The following NUP98 variants were observed in gnomAD, a reference collection of about 807,000 sequenced individuals.
NUP98 encodes the protein nuclear pore complex protein Nup98-Nup96.
NUP98 carries 26 observed loss-of-function variants against 191.9 expected under a neutral mutation model. The ratio of observed to expected loss-of-function variants is 0.14; its 90% confidence interval spans 0.10 to 0.19. NUP98 has a LOEUF of 0.19. Ranked by LOEUF, NUP98 falls within the 10% of genes least tolerant of loss-of-function variation. The probability of loss-of-function intolerance (pLI) is 1.00; values close to 1 mark genes in which losing one functional copy is unlikely to be tolerated. For missense variants in NUP98, 1,941 were observed against 2,178.8 expected (o/e 0.89, Z 2.17); for synonymous variants, 808 against 778.4 (o/e 1.04, Z -0.63).
intron 12 of NUP98, among the ~76,000 whole-genome samples, chr11:3,742,527 C>T (rs987490892): frequency 6.6e-6 from 1 of 151,586 alleles, no homozygotes; most frequent in Non-Finnish European, 1.5e-5. Flanking sequence ...ATGGTAAAAC[C>T]CCATCTGTAC....
At chr11:3,679,264 G>A (rs1431432842) in intron 31 of NUP98, among the ~76,000 whole-genome samples, 1 of 151,812 alleles carries the variant, frequency 6.6e-6, no homozygotes, top group African/African-American at 2.4e-5. Flanking sequence ...TCTCATCTTT[G>A]GGCTTCTCAC....
intron 10 of NUP98, among the ~76,000 whole-genome samples, chr11:3,757,794 C>T (rs2081026216): frequency 6.6e-6 from 1 of 151,824 alleles, no homozygotes; most frequent in Non-Finnish European, 1.5e-5. Context: ...AGCGAAACTC[C>T]GTCTCAAAAA....
chr11:3,760,644 C>T lies in NUP98; in HGVS notation c.1087-18G>A. On this transcript the variant is annotated intron_variant, in intron 9 of 32. Coordinates refer to ENST00000324932, the MANE Select transcript of NUP98 (RefSeq NM_016320.5). The stretch of plus-strand genomic sequence containing the variant: ...AACAGGGTCTAAAAAGAATAGAATA[C>T]AGGAAAATTTAAAATAATATTAAGA... 1 of 1,600,190 alleles carries T rather than the reference C, an allele frequency of 6.2e-7. No homozygotes were observed. Among genetic ancestry groups the T allele is most frequent in the Non-Finnish European group, 8.5e-7 (1 of 1,172,134 alleles).
At chr11:3,731,162 G>A (rs764034937) in intron 14 of NUP98, among the ~76,000 whole-genome samples, 3 of 151,898 alleles carry the variant, frequency 2.0e-5, no homozygotes, top group African/African-American at 4.8e-5. Flanking sequence ...TACTCAGGAG[G>A]CTGAAGCAAG....
At chr11:3,740,854 T>A (rs1412947533) in intron 12 of NUP98, among the ~76,000 whole-genome samples, 1 of 151,494 alleles carries the variant, frequency 6.6e-6, no homozygotes, top group East Asian at 1.9e-4. Context: ...AGTCTCGCAC[T>A]TTCGCCCAGG....
intron 2 of NUP98, among the ~76,000 whole-genome samples, chr11:3,780,359 T>C (rs1290605177): frequency 6.9e-6 from 1 of 143,992 alleles, no homozygotes; most frequent in African/African-American, 2.6e-5. Flanking sequence ...TGAAACCCTG[T>C]CTCCACTTAA....
At chr11:3,733,486 T>A (rs901878043) in intron 13 of NUP98, among the ~76,000 whole-genome samples, 2 of 152,062 alleles carry the variant, frequency 1.3e-5, no homozygotes, top group African/African-American at 2.4e-5. Flanking sequence ...TAATTTTTTT[T>A]TATTTAGTAT....
rs907578074 is a variant in NUP98, at chr11:3,782,203, T to C, written c.-28-58A>G. The C allele has an allele frequency of 4.1e-5, 39 of 946,916 alleles. 1 individual carries two copies. The East Asian group carries it at 6.0e-4, about 15-fold the overall frequency. The allele number at this position is 946,916 out of a possible 1,614,324, so 58.7% of individuals were successfully genotyped here. Reference sequence around the variant, plus strand: ...AGACCACAAAATGGAATATAATTGTTTTAGAAAATCTATCATTCCACAAAC... The same window carrying C: ...AGACCACAAAATGGAATATAATTGTCTTAGAAAATCTATCATTCCACAAAC... On this transcript the variant is annotated intron_variant, in intron 1 of 32. Transcript: ENST00000324932.
chr11:3,727,114 T>A (rs779131498), intron 14 of NUP98, among the ~76,000 whole-genome samples: 1 of 152,020 alleles, frequency 6.6e-6, no homozygotes, highest in Non-Finnish European at 1.5e-5. Context: ...GAGGAAATAC[T>A]CTCCAGTTTG....
At chr11:3,733,177 C>A (rs2079909911) in intron 13 of NUP98, among the ~76,000 whole-genome samples, 1 of 152,152 alleles carries the variant, frequency 6.6e-6, no homozygotes, top group Non-Finnish European at 1.5e-5. Context: ...AAAAGAAACT[C>A]AGTTCCTCTC....
At chr11:3,676,913 G>A (rs2077832887) in intron 31 of NUP98, among the ~76,000 whole-genome samples, 1 of 152,138 alleles carries the variant, frequency 6.6e-6, no homozygotes, top group Non-Finnish European at 1.5e-5. Flanking sequence ...GATAAATTGG[G>A]TTCAGAGAGA....
intron 9 of NUP98, among the ~76,000 whole-genome samples, chr11:3,762,573 A>G (rs1206267647): frequency 1.3e-5 from 2 of 152,172 alleles, no homozygotes; most frequent in Non-Finnish European, 2.9e-5. Context: ...AAGAACTAGG[A>G]GTTAAAAATT....
rs202213183 is a variant in NUP98 at position 3,725,234 on chromosome 11, C to T, written c.1731-15G>A. 50 of 1,290,036 alleles carry T rather than the reference C, an allele frequency of 3.9e-5. No individual in the cohort carries two copies. In the East Asian group the frequency reaches 1.0e-3, roughly 26 times the overall value. The allele number at this position is 1,290,036 out of a possible 1,614,324, so 79.9% of individuals were successfully genotyped here. ...TAATGCTCTTCCTATAAACAAGAAA[C>T]CAAAAGAAGAAGAAAAAAATTACTC... is the stretch of plus-strand genomic sequence containing the variant. On this transcript the variant is annotated splice_polypyrimidine_tract_variant and intron_variant, in intron 14 of 32. Coordinates refer to ENST00000324932, the MANE Select transcript of NUP98 (RefSeq NM_016320.5).
In NUP98 at chr11:3,675,286, T is replaced by C. The variant is rs997990887; in HGVS notation, c.*873A>G. On this transcript the variant is annotated 3_prime_UTR_variant, in exon 33 of 33. Coordinates refer to ENST00000324932, the MANE Select transcript of NUP98 (RefSeq NM_016320.5). Reference sequence around the variant, plus strand: ...CCCAACTCCATGCCTGCCTCAGTCATGGTTTGTTTTTGCTTCTGGAAGGGG... The same window carrying C: ...CCCAACTCCATGCCTGCCTCAGTCACGGTTTGTTTTTGCTTCTGGAAGGGG... 8 of 217,720 alleles carry C rather than the reference T, an allele frequency of 3.7e-5. No individual in the cohort carries two copies. Among genetic ancestry groups the C allele is most frequent in the Non-Finnish European group, 6.5e-5 (7 of 107,994 alleles). 13.5% of individuals were successfully genotyped at this position (217,720 alleles called of 1,614,324 possible).
chr11:3,720,780 TC>T lies in NUP98; in HGVS notation c.2191del (p.Asp731MetfsTer34). 1 of 1,566,688 alleles carries T rather than the reference TC, an allele frequency of 6.4e-7. No homozygotes were observed. Among genetic ancestry groups the T allele is most frequent in the Non-Finnish European group, 8.7e-7 (1 of 1,152,290 alleles). ...TTCATTGGTAATTTTAGCAAGGTCATCCATAGATGGAATAGTATAGTAACCA... is the reference window on the plus strand; with the variant it reads ...TTCATTGGTAATTTTAGCAAGGTCATCATAGATGGAATAGTATAGTAACCA... ...KVGYYTIPSM[D>X]DLAKITNEKG... is the part of the protein sequence containing the mutation. On this transcript the variant is annotated frameshift_variant, in exon 17 of 33. Coordinates refer to ENST00000324932, the MANE Select transcript of NUP98 (RefSeq NM_016320.5). LOFTEE classifies it high-confidence loss of function.
In NUP98 at chr11:3,729,715, C is replaced by CAAAAAAA. The variant is rs755816362; in HGVS notation, c.1730+1669_1730+1675dup. On this transcript the variant is annotated intron_variant, in intron 14 of 32. Coordinates refer to ENST00000324932, the MANE Select transcript of NUP98 (RefSeq NM_016320.5). ...GGGCAATGGCATAAGACTCTTGCCT[C>CAAAAAAA]AAAAAAAAAAAAAAAAAAAAAAAAA... 4.8e-3 allele frequency among the ~76,000 whole-genome samples: 180 copies of CAAAAAAA among 37,404 alleles called. 11 individuals carry two copies. The highest frequency in any genetic ancestry group is 5.5e-3 in the Non-Finnish European group (102 of 18,648). 24.5% of individuals were successfully genotyped at this position (37,404 alleles called of 152,430 possible).
chr11:3,702,349 T>A (rs1182263303), intron 23 of NUP98, 114 bp downstream of exon 23: 48 of 668,298 alleles, frequency 7.2e-5, no homozygotes, highest in Non-Finnish European at 1.1e-4. Flanking sequence ...TCTCTCTCTC[T>A]CTCTCTCTCT....
chr11:3,711,940 G>A lies in NUP98; in HGVS notation c.2742+624C>T, dbSNP rs2079032103. ...AAGGTCTAGCTTTCAGCAGCTGAGAGGTAGAGGATGCTTTACAAAGAAATC... is the reference window on the plus strand; with the variant it reads ...AAGGTCTAGCTTTCAGCAGCTGAGAAGTAGAGGATGCTTTACAAAGAAATC... On this transcript the variant is annotated intron_variant, in intron 20 of 32. Coordinates refer to ENST00000324932, the MANE Select transcript of NUP98 (RefSeq NM_016320.5). 2 of 1,041,990 alleles carry A rather than the reference G, an allele frequency of 1.9e-6. 1 individual carries two copies. Among genetic ancestry groups the A allele is most frequent in the South Asian group, 9.2e-5 (2 of 21,760 alleles). The allele number at this position is 1,041,990 out of a possible 1,614,324, so 64.5% of individuals were successfully genotyped here.
intron 4 of NUP98, among the ~76,000 whole-genome samples, chr11:3,777,391 G>C (rs1336528711): frequency 1.3e-5 from 2 of 152,138 alleles, no homozygotes; most frequent in East Asian, 3.8e-4. Flanking sequence ...GGGAGGCCAA[G>C]GCGGGTGGAT....
Sources: gnomAD v4.1 joint callset for allele counts (sites outside exome capture counted in the v4.1 genomes callset) on GRCh38, gnomAD v4.1.1 for gene constraint, MANE v1.5 for transcripts, NCBI Gene and HGNC (gene_info 2026-07-23, HGNC 2026-07-21) for gene names.